Variants in CALN1 observed in about 807,000 individuals in gnomAD.
CALN1 encodes the protein calcium-binding protein 8.
A neutral mutation model predicts 30.6 loss-of-function variants in CALN1; 17 were observed. The observed-to-expected ratio is 0.56, with a 90% confidence interval of 0.38 to 0.83. CALN1 has a LOEUF of 0.83. Ranked by LOEUF, CALN1 falls within the 40% of genes least tolerant of loss-of-function variation. The pLI is 0.00. For synonymous variants in CALN1, 156 were observed against 131.4 expected (o/e 1.19, Z -1.28); for missense variants, 291 against 354.9 (o/e 0.82, Z 1.45).
At chr7:71,925,813 G>A (rs1795240842) in intron 5 of CALN1, among the ~76,000 whole-genome samples, 1 of 152,094 alleles carries the variant, frequency 6.6e-6, no homozygotes, top group African/African-American at 2.4e-5. Context: ...GGAGAAAGAG[G>A]CATTCTGCAA....
chr7:72,130,120 C>A (rs1809036187), intron 3 of CALN1, among the ~76,000 whole-genome samples: 1 of 152,184 alleles, frequency 6.6e-6, no homozygotes. Context: ...CACATCCGCT[C>A]CCCTTCTGCT....
intron 3 of CALN1, among the ~76,000 whole-genome samples, chr7:72,239,962 G>C (rs981734858): frequency 2.0e-5 from 3 of 152,090 alleles, no homozygotes; most frequent in African/African-American, 7.2e-5. Flanking sequence ...ATTTCTATTC[G>C]ACCATGCTGA....
intron 5 of CALN1, among the ~76,000 whole-genome samples, chr7:71,981,244 C>T (rs1054351111): frequency 5.9e-5 from 9 of 152,140 alleles, no homozygotes; most frequent in African/African-American, 2.2e-4. Context: ...TTTCCCCTGC[C>T]CCCCTTTCAT....
At chr7:71,797,211 C>T (rs369101806) in intron 6 of CALN1, among the ~76,000 whole-genome samples, 5 of 152,300 alleles carry the variant, frequency 3.3e-5, no homozygotes, top group African/African-American at 1.2e-4. Flanking sequence ...TGATTCCTTG[C>T]TCCGCGACAG....
chr7:72,360,957 C>A (rs979866532), intron 2 of CALN1, among the ~76,000 whole-genome samples: 1 of 151,966 alleles, frequency 6.6e-6, no homozygotes, highest in Non-Finnish European at 1.5e-5. Flanking sequence ...GAACTCCTGA[C>A]CTCAAGTGAT....
At chr7:71,961,616 G>A (rs936483527) in intron 5 of CALN1, among the ~76,000 whole-genome samples, 6 of 152,122 alleles carry the variant, frequency 3.9e-5, no homozygotes, top group Non-Finnish European at 5.9e-5. Context: ...ATGTGTGTGC[G>A]CAATTCTCCA....
At chr7:72,058,419 G>C (rs1026069020) in intron 4 of CALN1, among the ~76,000 whole-genome samples, 2 of 146,618 alleles carry the variant, frequency 1.4e-5, no homozygotes, top group African/African-American at 5.1e-5. Context: ...CCGGGTTCAA[G>C]AGATTCTCCT....
intron 3 of CALN1, among the ~76,000 whole-genome samples, chr7:72,189,055 C>T (rs568871270): frequency 2.0e-5 from 3 of 152,316 alleles, no homozygotes; most frequent in African/African-American, 7.2e-5. Flanking sequence ...CAAAGTGGAC[C>T]CTTGGATGCT....
At position 72,101,378 on chromosome 7, in the gene CALN1, T is replaced by C. The variant is rs559614242; in HGVS notation, c.388+4773A>G. ...TTTCCCTGCAAATGTATCTCTGAAA[T>C]AATGATGGAAGTCACTGGAAGTGAG... On this transcript the variant is annotated intron_variant, in intron 4 of 6. Coordinates refer to ENST00000395275, the MANE Select transcript of CALN1 (RefSeq NM_031468.4). 2.6e-5 allele frequency among the ~76,000 whole-genome samples: 4 copies of C among 152,290 alleles called. No individual in the cohort carries two copies. The East Asian group carries it at 7.7e-4, about 29-fold the overall frequency.
At chr7:72,149,811 GC>G (rs1392303533) in intron 3 of CALN1, among the ~76,000 whole-genome samples, 1 of 152,070 alleles carries the variant, frequency 6.6e-6, no homozygotes, top group African/African-American at 2.4e-5. Context: ...AACAGGCACT[GC>G]TATAGGAGTT....
intron 4 of CALN1, among the ~76,000 whole-genome samples, chr7:72,090,766 C>T (rs564434112): frequency 6.6e-6 from 1 of 152,268 alleles, no homozygotes; most frequent in South Asian, 2.1e-4. Context: ...AATCCTTTTA[C>T]TTGCAACCAC....
intron 2 of CALN1, among the ~76,000 whole-genome samples, chr7:72,374,708 C>A (rs552408380): frequency 1.0e-3 from 155 of 152,208 alleles, no homozygotes; most frequent in Non-Finnish European, 1.7e-3. Flanking sequence ...GAAATGGTAT[C>A]CCCTTTCCAA....
chr7:71,967,639 A>AAAAAAAAAAAAAAG (rs555970609), intron 5 of CALN1, among the ~76,000 whole-genome samples: 1 of 142,654 alleles, frequency 7.0e-6, no homozygotes, highest in African/African-American at 2.7e-5. Context: ...AAAAAAAAAA[A>AAAAAAAAAAAAAAG]AAAGAAAGAA....
At chr7:72,323,355 A>G (rs1277055982) in intron 2 of CALN1, among the ~76,000 whole-genome samples, 1 of 152,164 alleles carries the variant, frequency 6.6e-6, no homozygotes, top group Admixed American at 6.5e-5. Flanking sequence ...GCTTCTCTTA[A>G]CTAGCATCTT....
At chr7:71,904,729 G>A (rs1794038201) in intron 5 of CALN1, among the ~76,000 whole-genome samples, 1 of 152,142 alleles carries the variant, frequency 6.6e-6, no homozygotes, top group African/African-American at 2.4e-5. Flanking sequence ...TTGAGGTCAC[G>A]CATTTGCTAA....
intron 5 of CALN1, among the ~76,000 whole-genome samples, chr7:71,861,330 C>T (rs1791265338): frequency 6.6e-6 from 1 of 152,084 alleles, no homozygotes; most frequent in Non-Finnish European, 1.5e-5. Context: ...TTACTCTATC[C>T]CTCATTTTGA....
At chr7:72,255,653 T>A (rs528012157) in intron 3 of CALN1, among the ~76,000 whole-genome samples, 1 of 151,442 alleles carries the variant, frequency 6.6e-6, no homozygotes, top group South Asian at 2.1e-4. Flanking sequence ...TGACCTCAAG[T>A]GACCCACTGG....
chr7:71,838,397 T>C (rs113110159), intron 5 of CALN1, among the ~76,000 whole-genome samples: 3 of 152,228 alleles, frequency 2.0e-5, no homozygotes, highest in Admixed American at 2.0e-4. Flanking sequence ...CAGATGAGCA[T>C]GTGACCCAAT....
intron 1 of CALN1, among the ~76,000 whole-genome samples, chr7:72,441,897 G>A (rs1324200504): frequency 3.3e-5 from 5 of 151,712 alleles, no homozygotes; most frequent in South Asian, 2.1e-4. Flanking sequence ...AATCTCTCTC[G>A]TGAACCCAGG....
Sources: gnomAD v4.1 joint callset for allele counts (sites outside exome capture counted in the v4.1 genomes callset) on GRCh38, gnomAD v4.1.1 for gene constraint, MANE v1.5 for transcripts, NCBI Gene and HGNC (gene_info 2026-07-23, HGNC 2026-07-21) for gene names.